Variants in KCNAB2 observed in about 807,000 individuals in gnomAD.
The protein encoded by KCNAB2 is potassium voltage-gated channel subfamily A regulatory beta subunit 2.
KCNAB2 carries 29 observed loss-of-function variants against 63.6 expected under a neutral mutation model. That is an observed-to-expected ratio of 0.46 (90% CI 0.34 to 0.62). KCNAB2 has a LOEUF of 0.62. KCNAB2 is among the 20% of genes least tolerant of loss of function. KCNAB2 has a pLI of 0.01. For missense variants in KCNAB2, 359 were observed against 563.9 expected (o/e 0.64, Z 3.68); for synonymous variants, 222 against 224.2 (o/e 0.99, Z 0.09).
chr1:6,079,668 G>C (rs1664031962), intron 4 of KCNAB2, among the ~76,000 whole-genome samples: 1 of 152,186 alleles, frequency 6.6e-6, no homozygotes, highest in Non-Finnish European at 1.5e-5. Context: ...GCCTAGAGTA[G>C]TTAAATTCAT....
intron 1 of KCNAB2, 24 bp from the exon 2 acceptor site, chr1:6,051,483 ACTGT>A: frequency 6.9e-7 from 1 of 1,443,078 alleles, no homozygotes; most frequent in Non-Finnish European, 9.1e-7. Flanking sequence ...GCATTGGCAC[ACTGT>A]CTAACTCATC....
In KCNAB2 at chr1:6,099,092, G is replaced by A. The variant is rs1320068736; in HGVS notation, c.*518G>A. 1 of 153,352 alleles carries A rather than the reference G, an allele frequency of 6.5e-6. No individual in the cohort carries two copies. The highest frequency in any genetic ancestry group is 2.4e-5 in the African/African-American group (1 of 41,466). The allele number at this position is 153,352 out of a possible 1,614,324, so 9.5% of individuals were successfully genotyped here. A position where few individuals can be genotyped will look rare whatever the true frequency, so the allele number is the denominator to read the frequency against. ...CTGGGGCAGGGCCTCCCCACTGGGG[G>A]TCTTCCTCCACCTCCCACTTTCCAA... On this transcript the variant is annotated 3_prime_UTR_variant, in exon 16 of 16. Transcript: ENST00000378083.
upstream of KCNAB2, among the ~76,000 whole-genome samples, chr1:6,044,212 G>T (rs1660736353): frequency 6.6e-6 from 1 of 152,186 alleles, no homozygotes; most frequent in African/African-American, 2.4e-5. Context: ...CATGGCAAAG[G>T]GCATGGGTAC....
intron 2 of KCNAB2, among the ~76,000 whole-genome samples, chr1:6,068,829 T>G (rs1391890562): frequency 6.6e-6 from 1 of 152,124 alleles, no homozygotes; most frequent in East Asian, 1.9e-4. Context: ...AGTGGTGTGC[T>G]CCAGGCACAG....
Position 6,055,267 on chromosome 1 carries a change from C to T in KCNAB2, c.218+3513C>T, listed in dbSNP as rs538898249. 9.2e-5 allele frequency among the ~76,000 whole-genome samples: 14 copies of T among 152,056 alleles called. No homozygotes were observed. The South Asian group carries it at 2.9e-3, about 32-fold the overall frequency. On this transcript the variant is annotated intron_variant, in intron 2 of 15. Transcript: ENST00000378083. The stretch of plus-strand genomic sequence containing the variant: ...CCCGAGGAAAATGCCTGAGCAGCCT[C>T]GGAGACACTGCAGGTCCCACTGTGG...
Position 6,062,334 on chromosome 1 carries a change from T to C in KCNAB2, c.219-10421T>C, listed in dbSNP as rs146268872. ...AGAAGTCCAAAAAAAAAAAGTCCAGTGTCTCTAAAATTTCTACCTTGGGTT... is the reference window on the plus strand; with the variant it reads ...AGAAGTCCAAAAAAAAAAAGTCCAGCGTCTCTAAAATTTCTACCTTGGGTT... On this transcript the variant is annotated intron_variant, in intron 2 of 15. Transcript: ENST00000378083. 5.4e-3 allele frequency among the ~76,000 whole-genome samples: 808 copies of C among 149,030 alleles called. 5 individuals are homozygous for C. The highest frequency in any genetic ancestry group is 0.017 in the African/African-American group (681 of 40,654).
rs866385073 is a variant in KCNAB2 at position 6,099,784 on chromosome 1, G to T, written c.*1210G>T. On this transcript the variant is annotated 3_prime_UTR_variant, in exon 16 of 16. Coordinates refer to ENST00000378083, the MANE Select transcript of KCNAB2 (RefSeq NM_001199862.2). ...CTCCCTGGAAAGACGGGCAGGGCTG[G>T]TTAGCCCCTCCCACTGCCTGACACC... is the stretch of plus-strand genomic sequence containing the variant. The T allele has an allele frequency of 2.0e-6, 3 of 1,493,258 alleles. No homozygotes were observed. Among genetic ancestry groups the T allele is most frequent in the Non-Finnish European group, 2.7e-6 (3 of 1,119,382 alleles). The allele number at this position is 1,493,258 out of a possible 1,614,324, so 92.5% of individuals were successfully genotyped here.
chr1:6,046,440 A>G (rs1211986882), intron 1 of KCNAB2, among the ~76,000 whole-genome samples: 1 of 152,232 alleles, frequency 6.6e-6, no homozygotes, highest in Non-Finnish European at 1.5e-5. Flanking sequence ...GTCTGCTCAC[A>G]GCCCAGACCT....
chr1:6,020,715 G>A (rs112838175), intron 1 of KCNAB2, among the ~76,000 whole-genome samples: 18,869 of 152,226 alleles, frequency 0.12, 1,480 homozygotes, highest in Non-Finnish European at 0.19. Flanking sequence ...CACCCAGGCT[G>A]GAGTGCAATA....
intron 2 of KCNAB2, among the ~76,000 whole-genome samples, chr1:6,054,989 T>C (rs1187059310): frequency 6.6e-6 from 1 of 152,158 alleles, no homozygotes; most frequent in Non-Finnish European, 1.5e-5. Flanking sequence ...TCAGCGGGAA[T>C]TGGCCTTCAG....
In KCNAB2 at chr1:6,028,552, T is replaced by C. The variant is rs1327046216; in HGVS notation, c.-52-11965T>C. 6.6e-6 allele frequency among the ~76,000 whole-genome samples: 1 copy of C among 152,140 alleles called. No homozygotes were observed. Among genetic ancestry groups the C allele is most frequent in the African/African-American group, 2.4e-5 (1 of 41,434 alleles). On this transcript the variant is annotated intron_variant, in intron 1 of 16. Transcript: ENST00000341524. The surrounding 1 kb of genome is among the most constrained non-coding windows in gnomAD (Gnocchi z 4.0). ...GCCCAGAACAGCCCCCCTCTCTCCA[T>C]CCCTTCTGCGATGTTCACTAGGCAT...
Position 6,100,287 on chromosome 1 carries a change from C to A in KCNAB2, c.*1713C>A, listed in dbSNP as rs1665946895. On this transcript the variant is annotated 3_prime_UTR_variant, in exon 16 of 16. Coordinates refer to ENST00000378083, the MANE Select transcript of KCNAB2 (RefSeq NM_001199862.2). ...TCATGCTGCCCCTGGCGCCTAGAAC[C>A]CTTGCCCCTCCTCATAGACCAAGTC... 2.2e-6 allele frequency: 1 copy of A among 447,500 alleles called. No homozygotes were observed. Among genetic ancestry groups the A allele is most frequent in the Non-Finnish European group, 3.8e-6 (1 of 261,090 alleles). The allele number at this position is 447,500 out of a possible 1,614,324, so 27.7% of individuals were successfully genotyped here.
At chr1:6,082,062 C>G in intron 4 of KCNAB2, 133 bp from the exon 5 acceptor site, 2 of 707,194 alleles carry the variant, frequency 2.8e-6, no homozygotes, top group East Asian at 5.1e-5. Context: ...GGAGACAGCC[C>G]ACAGGGGAGC....
In KCNAB2 at chr1:6,071,768, C is replaced by T. The variant is rs1329742930; in HGVS notation, c.219-987C>T. On this transcript the variant is annotated intron_variant, in intron 2 of 15. Coordinates refer to ENST00000378083, the MANE Select transcript of KCNAB2 (RefSeq NM_001199862.2). The surrounding 1 kb of genome is among the most constrained non-coding windows in gnomAD (Gnocchi z 8.5). ...CTCCCTCCTGCCGCGTGGGCTCCTC[C>T]TGCCGCGTGGGCTCCTCCTGCCACA... Among the ~76,000 whole-genome samples, 2 of 151,572 alleles carry T rather than the reference C, an allele frequency of 1.3e-5. No individual in the cohort carries two copies. The highest frequency in any genetic ancestry group is 4.8e-5 in the African/African-American group (2 of 41,252).
At chr1:6,091,832 G>A (rs1013582124) in intron 10 of KCNAB2, among the ~76,000 whole-genome samples, 4 of 152,152 alleles carry the variant, frequency 2.6e-5, no homozygotes, top group Admixed American at 6.5e-5. Context: ...CTCCTCGGAC[G>A]GCATGCTGGC....
chr1:6,090,606 A>G, intron 9 of KCNAB2, 131 bp downstream of exon 9: 1 of 646,342 alleles, frequency 1.5e-6, no homozygotes, highest in Non-Finnish European at 2.7e-6. Flanking sequence ...GGCCGGGTCC[A>G]GGGTGGGGGG....
chr1:6,027,424 CTG>C (rs1391548318), intron 1 of KCNAB2: 2 of 152,424 alleles, frequency 1.3e-5, no homozygotes, highest in African/African-American at 4.8e-5. Context: ...GTCGTGCCGT[CTG>C]TGCAGCACTG....
chr1:6,087,750 A>T lies in KCNAB2; in HGVS notation c.470+239A>T, dbSNP rs944738744. Among the ~76,000 whole-genome samples, 1 of 152,248 alleles carries T rather than the reference A, an allele frequency of 6.6e-6. No individual in the cohort carries two copies. The highest frequency in any genetic ancestry group is 2.4e-5 in the African/African-American group (1 of 41,478). On this transcript the variant is annotated intron_variant, in intron 7 of 15. Coordinates refer to ENST00000378083, the MANE Select transcript of KCNAB2 (RefSeq NM_001199862.2). This position sits in a 1 kb window ranked among gnomAD's most constrained non-coding sequence, Gnocchi z 6.4. Reference sequence around the variant, plus strand: ...CTATGCCTGGTGCCTGTCCCTGTTAAGGGACGTCAAATCCAGAAAAGAAGC... The same window carrying T: ...CTATGCCTGGTGCCTGTCCCTGTTATGGGACGTCAAATCCAGAAAAGAAGC...
At position 6,100,416 on chromosome 1, in the gene KCNAB2, G is replaced by A. The variant is rs957007145; in HGVS notation, c.*1842G>A. On this transcript the variant is annotated 3_prime_UTR_variant, in exon 16 of 16. Coordinates refer to ENST00000378083, the MANE Select transcript of KCNAB2 (RefSeq NM_001199862.2). ...AACGGAGGTCCCAGCCTATGGCCCT[G>A]GGCCCAGGTGGGGGTCGCCTGCTTC... The A allele has an allele frequency of 5.7e-6, 1 of 176,384 alleles. No homozygotes were observed. The highest frequency in any genetic ancestry group is 1.9e-4 in the South Asian group (1 of 5,242). The allele number at this position is 176,384 out of a possible 1,614,324, so 10.9% of individuals were successfully genotyped here.
Sources: allele counts gnomAD v4.1 joint callset (sites outside exome capture counted in the v4.1 genomes callset), GRCh38; gene constraint gnomAD v4.1.1; non-coding constraint Gnocchi (gnomAD v3.1); transcripts MANE v1.5; gene names NCBI Gene and HGNC (gene_info 2026-07-23, HGNC 2026-07-21).